The following SGCB variants were observed in gnomAD, a reference collection of about 807,000 sequenced individuals.
The protein encoded by SGCB is sarcoglycan beta, also known as beta-sarcoglycan.
A neutral mutation model predicts 27.3 loss-of-function variants in SGCB; 25 were observed. The ratio of observed to expected loss-of-function variants is 0.92; its 90% CI spans 0.67 to 1.28. SGCB has a LOEUF of 1.28. Ranked by LOEUF, SGCB falls within the 50% of genes most tolerant of loss-of-function variation. The pLI, the probability that SGCB is intolerant of heterozygous loss-of-function variation, is 0.00. For missense variants in SGCB, 436 were observed against 402.1 expected (o/e 1.08, Z -0.72); for synonymous variants, 147 against 133.5 (o/e 1.10, Z -0.70).
At chr4:52,025,133 C>G (rs1737053445) in intron 5 of SGCB, among the ~76,000 whole-genome samples, 1 of 152,024 alleles carries the variant, frequency 6.6e-6, no homozygotes, top group African/African-American at 2.4e-5. Context: ...ATTCTAGGTG[C>G]TGGGGAATAC....
chr4:52,028,750 G>A lies in SGCB; in HGVS notation c.601C>T (p.Gln201Ter), dbSNP rs773554421. 1.9e-6 allele frequency: 3 copies of A among 1,612,140 alleles called. No individual in the cohort carries two copies. The highest frequency in any genetic ancestry group is 4.5e-5 in the East Asian group (2 of 44,836). The change falls in exon 4 of 6, where the codon CAA becomes TAA. Residue 201 changes from glutamine (Q) to a stop codon, truncating the protein, a stop_gained. Transcript: ENST00000381431. LOFTEE classifies it high-confidence loss of function. ...CATACCCTTTCAGTAGATGCCTTTT[G>A]AACATTCAAACTTTTCACTCCACTT... ...LPSGVKSLNV[Q>*]KASTERITSN... is the part of the protein sequence containing the mutation.
intron 1 of SGCB, among the ~76,000 whole-genome samples, chr4:52,036,553 G>C (rs1264411987): frequency 6.6e-6 from 1 of 152,220 alleles, no homozygotes; most frequent in Non-Finnish European, 1.5e-5. Context: ...GAGCCTAGAA[G>C]TGAAGATATC....
rs71193050 is a variant in SGCB, at chr4:52,026,250, G to GTT, written c.753+1716_753+1717dup. On this transcript the variant is annotated intron_variant, in intron 5 of 5. Coordinates refer to ENST00000381431, the MANE Select transcript of SGCB (RefSeq NM_000232.5). ...TTCTTTAAATTGTTTTTTGTTGTTGGTTTTTTTTTTTTTTTTTTTTTTTTT... is the reference window on the plus strand; with the variant it reads ...TTCTTTAAATTGTTTTTTGTTGTTGGTTTTTTTTTTTTTTTTTTTTTTTTTTT... Among the ~76,000 whole-genome samples the GTT allele has an allele frequency of 6.6e-4, 67 of 101,668 alleles. 5 individuals are homozygous for GTT. The highest frequency in any genetic ancestry group is 6.9e-4 in the African/African-American group (19 of 27,620). The allele number at this position is 101,668 out of a possible 152,430, so 66.7% of individuals were successfully genotyped here.
rs1322223237 is a variant in SGCB, at chr4:52,021,795, T to C, written c.*2162A>G. The C allele has an allele frequency of 6.6e-6, 1 of 152,220 alleles. No individual in the cohort carries two copies. The highest frequency in any genetic ancestry group is 1.5e-5 in the Non-Finnish European group (1 of 68,036). The allele number at this position is 152,220 out of a possible 1,614,324, so 9.4% of individuals were successfully genotyped here. Reference sequence around the variant, plus strand: ...AGCCAGGACTACCTGTAAAGTATCATAAAATGCTATGGCTGTTAACCTTCA... The same window carrying C: ...AGCCAGGACTACCTGTAAAGTATCACAAAATGCTATGGCTGTTAACCTTCA... On this transcript the variant is annotated 3_prime_UTR_variant, in exon 6 of 6. Coordinates refer to ENST00000381431, the MANE Select transcript of SGCB (RefSeq NM_000232.5).
intron 2 of SGCB, among the ~76,000 whole-genome samples, chr4:52,031,446 G>GCATAGA (rs1737246638): frequency 6.9e-6 from 1 of 145,774 alleles, no homozygotes; most frequent in Admixed American, 6.9e-5. Context: ...GTGTGTGTGT[G>GCATAGA]TGTGCACGCG....
rs76379730 is a variant in SGCB at position 52,025,885 on chromosome 4, T to C, written c.754-1725A>G. Among the ~76,000 whole-genome samples the C allele has an allele frequency of 7.1e-4, 108 of 152,328 alleles. 2 individuals carry two copies. In the East Asian group the frequency reaches 0.019, roughly 27 times the overall value. On this transcript the variant is annotated intron_variant, in intron 5 of 5. Transcript: ENST00000381431. ...CTATGGACTGATGGGTGTCATTTAA[T>C]GGTACAAGAATACTGAAAGAAATGC...
chr4:52,024,201 G>A (rs772875726), intron 5 of SGCB, 41 bp from the exon 6 acceptor site: 1 of 1,494,348 alleles, frequency 6.7e-7, no homozygotes, highest in Non-Finnish European at 9.3e-7. Context: ...ACCTCCATGA[G>A]GGGGTACAGA....
chr4:52,028,860 C>T lies in SGCB; in HGVS notation c.491G>A (p.Ser164Asn), dbSNP rs1737177747. 6.2e-7 allele frequency: 1 copy of T among 1,613,866 alleles called. No homozygotes were observed. Among genetic ancestry groups the T allele is most frequent in the Admixed American group, 1.7e-5 (1 of 60,012 alleles). The change falls in exon 4 of 6, where the codon AGT becomes AAT. Residue 164 changes from serine to asparagine, a missense_variant. Physicochemically the swap from Ser to Asn is conservative, Grantham distance 46. Coordinates refer to ENST00000381431, the MANE Select transcript of SGCB (RefSeq NM_000232.5). ...SVENNKTSIT[S>N]DIGMQFFDPR... ...GTCAAAAAACTGCATGCCGATGTCA[C>T]TTGTAATAGAAGTTTTGTTGTTTTC...
At chr4:52,028,465 G>A (rs1441102604) in intron 4 of SGCB, among the ~76,000 whole-genome samples, 1 of 152,066 alleles carries the variant, frequency 6.6e-6, no homozygotes, top group Admixed American at 6.6e-5. Context: ...GTGAAACCCC[G>A]TCTCTACTAA....
chr4:52,038,115 G>T, intron 1 of SGCB, 112 bp downstream of exon 1: 1 of 315,102 alleles, frequency 3.2e-6, no homozygotes, highest in Non-Finnish European at 4.1e-6. Flanking sequence ...GCCGAACCCA[G>T]ACCCTGCGGC....
In SGCB at chr4:52,022,853, A is replaced by G. The variant is rs1736991603; in HGVS notation, c.*1104T>C. The G allele has an allele frequency of 6.6e-6, 1 of 152,168 alleles. No individual in the cohort carries two copies. The highest frequency in any genetic ancestry group is 6.6e-5 in the Admixed American group (1 of 15,262). The allele number at this position is 152,168 out of a possible 1,614,324, so 9.4% of individuals were successfully genotyped here. A position where few individuals can be genotyped will look rare whatever the true frequency, so the allele number is the denominator to read the frequency against. On this transcript the variant is annotated 3_prime_UTR_variant, in exon 6 of 6. Transcript: ENST00000381431. The stretch of plus-strand genomic sequence containing the variant: ...GGTAAATTTGACCTCTCCATCGTAT[A>G]ATATTTTGGAATTGGCCCAACATAG...
chr4:52,024,539 CTT>C (rs778729258), intron 5 of SGCB, among the ~76,000 whole-genome samples: 4 of 151,982 alleles, frequency 2.6e-5, no homozygotes, highest in Non-Finnish European at 5.9e-5. Context: ...TACAAAAAGA[CTT>C]TTCCTGGCCA....
chr4:52,034,589 G>T (rs1430136263), intron 1 of SGCB, among the ~76,000 whole-genome samples: 1 of 151,968 alleles, frequency 6.6e-6, no homozygotes, highest in African/African-American at 2.4e-5. Context: ...CAATGGATTT[G>T]GCTATCCTTT....
At chr4:52,035,840 T>C (rs956798641) in intron 1 of SGCB, among the ~76,000 whole-genome samples, 2 of 152,208 alleles carry the variant, frequency 1.3e-5, no homozygotes, top group Non-Finnish European at 2.9e-5. Context: ...TAGCCAAAGT[T>C]TGAATATAGG....
chr4:52,036,623 GAA>G (rs1398746131), intron 1 of SGCB, among the ~76,000 whole-genome samples: 1 of 152,178 alleles, frequency 6.6e-6, no homozygotes, highest in African/African-American at 2.4e-5. Context: ...CTTTGAAGCT[GAA>G]GTCTGGGGAA....
Position 52,038,294 on chromosome 4 carries a change from G to T in SGCB, c.-35C>A. ...CCCGCCGCCGCCGAGCTCCCCGCCC[G>T]ACTGTGCCCGCCCCTCCGCGACCGC... On this transcript the variant is annotated 5_prime_UTR_variant, in exon 1 of 6. Transcript: ENST00000381431. 2 of 1,276,530 alleles carry T rather than the reference G, an allele frequency of 1.6e-6. No homozygotes were observed. Among genetic ancestry groups the T allele is most frequent in the Admixed American group, 3.4e-5 (1 of 29,376 alleles). The allele number at this position is 1,276,530 out of a possible 1,614,324, so 79.1% of individuals were successfully genotyped here. A position where few individuals can be genotyped will look rare whatever the true frequency, so the allele number is the denominator to read the frequency against.
In SGCB at chr4:52,022,463, A is replaced by C. The variant is rs2110208549; in HGVS notation, c.*1494T>G. ...CTGTCCCTGATTCTGTGTGAGTCTT[A>C]ATAATACCAGAGAGTTCTTTTCCAA... On this transcript the variant is annotated 3_prime_UTR_variant, in exon 6 of 6. Coordinates refer to ENST00000381431, the MANE Select transcript of SGCB (RefSeq NM_000232.5). 6.6e-6 allele frequency: 1 copy of C among 152,338 alleles called. No individual in the cohort carries two copies. Among genetic ancestry groups the C allele is most frequent in the East Asian group, 1.9e-4 (1 of 5,186 alleles). The allele number at this position is 152,338 out of a possible 1,614,324, so 9.4% of individuals were successfully genotyped here.
In SGCB at chr4:52,021,730, G is replaced by A. The variant is rs1736956169; in HGVS notation, c.*2227C>T. On this transcript the variant is annotated 3_prime_UTR_variant, in exon 6 of 6. Coordinates refer to ENST00000381431, the MANE Select transcript of SGCB (RefSeq NM_000232.5). The stretch of plus-strand genomic sequence containing the variant: ...TAAAATGGAGAGTTTGCCCTGTTCT[G>A]CTTTCTAATAGATTTTCCAAGCTTA... The A allele has an allele frequency of 6.6e-6, 1 of 152,108 alleles. No individual in the cohort carries two copies. The highest frequency in any genetic ancestry group is 1.5e-5 in the Non-Finnish European group (1 of 68,010). 9.4% of individuals were successfully genotyped at this position (152,108 alleles called of 1,614,324 possible).
intron 5 of SGCB, among the ~76,000 whole-genome samples, chr4:52,027,528 A>G (rs1737130079): frequency 6.6e-6 from 1 of 151,618 alleles, no homozygotes; most frequent in African/African-American, 2.4e-5. Flanking sequence ...ATCTTTAATT[A>G]AAAACAACAA....
Sources: allele counts gnomAD v4.1 joint callset (sites outside exome capture counted in the v4.1 genomes callset), GRCh38; gene constraint gnomAD v4.1.1; transcripts MANE v1.5; gene names NCBI Gene and HGNC (gene_info 2026-07-23, HGNC 2026-07-21).